Variants in CDH4 observed in about 807,000 individuals in gnomAD.
CDH4 encodes the protein cadherin-4.
CDH4 carries 33 observed loss-of-function variants against 86.0 expected under a neutral mutation model. That is an observed-to-expected ratio of 0.38 (90% CI 0.29 to 0.51). The LOEUF (loss-of-function observed/expected upper bound fraction) is 0.51, where lower values mean the gene tolerates loss of function less well. Ranked by LOEUF, CDH4 falls within the 20% of genes least tolerant of loss-of-function variation. CDH4 has a pLI of 0.86. For synonymous variants in CDH4, 555 were observed against 549.4 expected, an observed-to-expected ratio of 1.01 and a Z score of -0.14; for missense variants, 1,114 against 1,307.4, an observed-to-expected ratio of 0.85 and a Z score of 2.28.
intron 9 of CDH4, among the ~76,000 whole-genome samples, chr20:61,922,003 TC>T (rs2122968273): frequency 6.6e-6 from 1 of 152,312 alleles, no homozygotes; most frequent in Non-Finnish European, 1.5e-5. Flanking sequence ...CACCAGTAGA[TC>T]CTGGAAAGCT....
chr20:61,437,878 A>G (rs2145527265), intron 2 of CDH4, among the ~76,000 whole-genome samples: 1 of 152,312 alleles, frequency 6.6e-6, no homozygotes, highest in African/African-American at 2.4e-5. Flanking sequence ...GATGCCAGAA[A>G]GACTGGTCCT....
chr20:61,646,007 T>C (rs1377472250), intron 2 of CDH4, among the ~76,000 whole-genome samples: 1 of 152,064 alleles, frequency 6.6e-6, no homozygotes, highest in African/African-American at 2.4e-5. Context: ...TCACAGGCAA[T>C]ATTGTGTGTA....
At chr20:61,751,770 A>C (rs1418920699) in intron 3 of CDH4, among the ~76,000 whole-genome samples, 2 of 152,208 alleles carry the variant, frequency 1.3e-5, no homozygotes, top group Non-Finnish European at 2.9e-5. Flanking sequence ...ATTTGGGGGA[A>C]AGTTTGCCCA....
chr20:61,906,344 C>T (rs2122911555), intron 8 of CDH4, among the ~76,000 whole-genome samples: 1 of 152,344 alleles, frequency 6.6e-6, no homozygotes, highest in East Asian at 1.9e-4. Context: ...TTTATAAAAA[C>T]AGGCCTCGGG....
At chr20:61,745,085 G>A (rs138250226) in intron 3 of CDH4, among the ~76,000 whole-genome samples, 1 of 152,232 alleles carries the variant, frequency 6.6e-6, no homozygotes, top group African/African-American at 2.4e-5. Context: ...GGGGTCGTTT[G>A]AGATACGGTG....
chr20:61,497,278 CTGTT>C (rs1173095694), intron 2 of CDH4, among the ~76,000 whole-genome samples: 1 of 152,032 alleles, frequency 6.6e-6, no homozygotes, highest in African/African-American at 2.4e-5. Flanking sequence ...TTGCTCTGCT[CTGTT>C]TGTGATGTCT....
intron 2 of CDH4, among the ~76,000 whole-genome samples, chr20:61,622,249 A>T (rs1459379028): frequency 6.6e-6 from 1 of 152,182 alleles, no homozygotes; most frequent in South Asian, 2.1e-4. Flanking sequence ...GTGTTTATGG[A>T]GTAATGTGCT....
At chr20:61,573,927 C>T (rs2086363741) in intron 2 of CDH4, among the ~76,000 whole-genome samples, 1 of 152,228 alleles carries the variant, frequency 6.6e-6, no homozygotes. Flanking sequence ...CCCCTTCCTC[C>T]CTCCCTCAGG....
chr20:61,805,881 G>C lies in CDH4; in HGVS notation c.576+32699G>C, dbSNP rs370112533. The stretch of plus-strand genomic sequence containing the variant: ...AGAGCCAAAATATGGGATCTTCATT[G>C]CCCGGCAGTTGCCAGCTATGTAGGT... On this transcript the variant is annotated intron_variant, in intron 4 of 15. Coordinates refer to ENST00000614565, the MANE Select transcript of CDH4 (RefSeq NM_001794.5). 3.3e-5 allele frequency among the ~76,000 whole-genome samples: 5 copies of C among 152,308 alleles called. No individual in the cohort carries two copies. In the South Asian group the frequency reaches 6.2e-4, roughly 19 times the overall value.
chr20:61,589,935 G>T (rs1246510320), intron 2 of CDH4, among the ~76,000 whole-genome samples: 2 of 151,942 alleles, frequency 1.3e-5, no homozygotes, highest in Non-Finnish European at 1.5e-5. Context: ...TGGGAATGGT[G>T]CTCCTTGAGA....
At chr20:61,366,176 G>A (rs1368906671) in intron 2 of CDH4, among the ~76,000 whole-genome samples, 1 of 152,200 alleles carries the variant, frequency 6.6e-6, no homozygotes, top group South Asian at 2.1e-4. Flanking sequence ...AGTCTTTGCA[G>A]TCCTCCAGGG....
chr20:61,535,144 G>T (rs759266315), intron 2 of CDH4, among the ~76,000 whole-genome samples: 1 of 152,254 alleles, frequency 6.6e-6, no homozygotes, highest in Non-Finnish European at 1.5e-5. Context: ...TTGATCTACT[G>T]AAACCTGTGA....
At chr20:61,670,311 G>C (rs955518278) in intron 2 of CDH4, among the ~76,000 whole-genome samples, 4 of 152,222 alleles carry the variant, frequency 2.6e-5, no homozygotes, top group Admixed American at 2.6e-4. Flanking sequence ...TTAAAGTTCA[G>C]TAGGAAGAGA....
chr20:61,262,419 C>T (rs920955970), intron 2 of CDH4, among the ~76,000 whole-genome samples: 3 of 152,284 alleles, frequency 2.0e-5, no homozygotes, highest in Admixed American at 6.5e-5. Flanking sequence ...AAACCCCTTG[C>T]GGCGAAGCCC....
intron 2 of CDH4, among the ~76,000 whole-genome samples, chr20:61,339,743 C>G (rs964758250): frequency 6.6e-6 from 1 of 152,142 alleles, no homozygotes; most frequent in African/African-American, 2.4e-5. Context: ...CCATGGACAC[C>G]TAGATATTTC....
At chr20:61,668,953 C>T (rs895161087) in intron 2 of CDH4, among the ~76,000 whole-genome samples, 1 of 152,230 alleles carries the variant, frequency 6.6e-6, no homozygotes, top group Non-Finnish European at 1.5e-5. Context: ...TCCAGTCTGT[C>T]CTTGGGACAA....
chr20:61,897,773 C>G (rs969488979), intron 8 of CDH4, among the ~76,000 whole-genome samples: 1 of 152,194 alleles, frequency 6.6e-6, no homozygotes, highest in African/African-American at 2.4e-5. Flanking sequence ...ATTGTCCATC[C>G]TTGGTTCCAG....
intron 2 of CDH4, among the ~76,000 whole-genome samples, chr20:61,316,373 T>G (rs750681804): frequency 2.4e-4 from 36 of 152,230 alleles, no homozygotes; most frequent in Non-Finnish European, 5.0e-4. Context: ...AGTCGATAAG[T>G]TGAAGGCTCT....
At chr20:61,700,819 C>T (rs571304897) in intron 2 of CDH4, among the ~76,000 whole-genome samples, 169 of 152,322 alleles carry the variant, frequency 1.1e-3, no homozygotes, top group Non-Finnish European at 1.8e-3. Context: ...GCCGGCTCAG[C>T]GGGTGAGTGC....
Sources: allele counts gnomAD v4.1 joint callset (sites outside exome capture counted in the v4.1 genomes callset), GRCh38; gene constraint gnomAD v4.1.1; transcripts MANE v1.5; gene names NCBI Gene and HGNC (gene_info 2026-07-23, HGNC 2026-07-21).